The following GNG7 variants were observed in gnomAD, a reference collection of about 807,000 sequenced individuals.
GNG7 encodes the protein G protein subunit gamma 7, also known as guanine nucleotide-binding protein G(I)/G(S)/G(O) subunit gamma-7.
GNG7 carries 1 observed loss-of-function variant against 4.0 expected under a neutral mutation model. That is an observed-to-expected ratio of 0.25 (90% CI 0.09 to 1.18). The LOEUF is 1.18. Among genes scored for constraint, GNG7 ranks in the 50% most tolerant of loss-of-function variants. The probability of loss-of-function intolerance (pLI) is 0.50; values close to 1 mark genes in which losing one functional copy is unlikely to be tolerated. For synonymous variants in GNG7, 34 were observed against 36.9 expected, an observed-to-expected ratio of 0.92 and a Z score of 0.29; for missense variants, 86 against 91.9, an observed-to-expected ratio of 0.94 and a Z score of 0.26.
In GNG7 at chr19:2,576,434, G is replaced by A. The variant is rs1599401329; in HGVS notation, c.-77-21246C>T. On this transcript the variant is annotated intron_variant, in intron 2 of 4. Coordinates refer to ENST00000382159, the MANE Select transcript of GNG7 (RefSeq NM_052847.3). Reference sequence around the variant, plus strand: ...GCTGACCCCAGGGAGGACAGGGCGGGCCGCGGCAGGCGGGGGACGGGCACT... The same window carrying A: ...GCTGACCCCAGGGAGGACAGGGCGGACCGCGGCAGGCGGGGGACGGGCACT... Among the ~76,000 whole-genome samples, 5 of 152,354 alleles carry A rather than the reference G, an allele frequency of 3.3e-5. No individual in the cohort carries two copies. The South Asian group carries it at 8.3e-4, about 25-fold the overall frequency.
At chr19:2,679,171 TC>T (rs1983668592) in intron 1 of GNG7, among the ~76,000 whole-genome samples, 1 of 152,030 alleles carries the variant, frequency 6.6e-6, no homozygotes, top group South Asian at 2.1e-4. Flanking sequence ...TGCCTCAGCC[TC>T]CCAAGCAGCT....
intron 3 of GNG7, among the ~76,000 whole-genome samples, chr19:2,536,207 G>A (rs1307403792): frequency 1.3e-5 from 2 of 152,064 alleles, no homozygotes; most frequent in Non-Finnish European, 2.9e-5. Context: ...CACGAGGTCA[G>A]GAGTTTGAGA....
intron 1 of GNG7, among the ~76,000 whole-genome samples, chr19:2,690,692 C>G (rs960251297): frequency 6.6e-6 from 1 of 152,080 alleles, no homozygotes; most frequent in Non-Finnish European, 1.5e-5. Flanking sequence ...CTCCCAGATT[C>G]AAGCAATACT....
chr19:2,577,951 C>T (rs112353789), intron 2 of GNG7, among the ~76,000 whole-genome samples: 13 of 151,882 alleles, frequency 8.6e-5, no homozygotes, highest in African/African-American at 3.1e-4. Context: ...GATCCTCCCA[C>T]CTCAGCCCCT....
chr19:2,530,883 C>T (rs547963442), intron 3 of GNG7, among the ~76,000 whole-genome samples: 38 of 152,162 alleles, frequency 2.5e-4, no homozygotes, highest in Admixed American at 1.4e-3. Flanking sequence ...GCTGAGAGGC[C>T]GAGTGATATT....
chr19:2,511,985 C>T lies in GNG7; in HGVS notation c.*3037G>A, dbSNP rs1039146415. 3 of 985,892 alleles carry T rather than the reference C, an allele frequency of 3.0e-6. No individual in the cohort carries two copies. Among genetic ancestry groups the T allele is most frequent in the South Asian group, 4.7e-5 (1 of 21,290 alleles). 61.1% of individuals were successfully genotyped at this position (985,892 alleles called of 1,614,324 possible). ...TGGCCCGCTGTGGCCCTTCACCTGG[C>T]TACTGGTGTCTCGCTCAGCAGCGGG... On this transcript the variant is annotated 3_prime_UTR_variant, in exon 5 of 5. Coordinates refer to ENST00000382159, the MANE Select transcript of GNG7 (RefSeq NM_052847.3). The surrounding 1 kb of genome is among the most constrained non-coding windows in gnomAD (Gnocchi z 6.3).
chr19:2,554,071 A>T (rs1979470752), intron 3 of GNG7, among the ~76,000 whole-genome samples: 2 of 144,886 alleles, frequency 1.4e-5, no homozygotes, highest in Admixed American at 1.4e-4. Flanking sequence ...CAGGAGGCTG[A>T]GGCAAAGGGA....
chr19:2,553,644 T>G (rs993467944), intron 3 of GNG7, among the ~76,000 whole-genome samples: 1 of 94,138 alleles, frequency 1.1e-5, no homozygotes. Context: ...ATGTAATATG[T>G]TATATTACAT....
Sources: gnomAD v4.1 joint callset for allele counts (sites outside exome capture counted in the v4.1 genomes callset) on GRCh38, gnomAD v4.1.1 for gene constraint, Gnocchi (gnomAD v3.1) non-coding constraint, MANE v1.5 for transcripts, NCBI Gene and HGNC (gene_info 2026-07-23, HGNC 2026-07-21) for gene names.